The following DMD variants were observed in gnomAD, a reference collection of about 807,000 sequenced individuals.
The protein encoded by DMD is dystrophin.
Under a neutral mutation model 330.1 loss-of-function variants are expected in DMD, and 63 were observed. The observed-to-expected ratio is 0.19, with a 90% CI of 0.16 to 0.24. The LOEUF (loss-of-function observed/expected upper bound fraction) is 0.24. DMD is among the 10% of genes least tolerant of loss of function. The pLI, the probability that DMD is intolerant of heterozygous loss-of-function variation, is 1.00. For synonymous variants in DMD, 1,223 were observed against 959.8 expected, an observed-to-expected ratio of 1.27 and a Z score of -5.07; for missense variants, 3,344 against 2,684.1, an observed-to-expected ratio of 1.25 and a Z score of -5.43.
chrX:32,727,936 G>C (rs942521821), intron 7 of DMD, among the ~76,000 whole-genome samples: 1 of 111,074 alleles, frequency 9.0e-6, no homozygotes, highest in Admixed American at 9.6e-5. Context: ...AGTTTATAAA[G>C]GGCATTACTG....
chrX:31,123,081 T>G (rs2033024896), intron 78 of DMD, among the ~76,000 whole-genome samples: 1 of 111,735 alleles, frequency 8.9e-6, no homozygotes, highest in Admixed American at 9.6e-5. Context: ...ATTAAAGATA[T>G]CCCAATAAAA....
chrX:32,733,240 A>C (rs1244170732), intron 7 of DMD, among the ~76,000 whole-genome samples: 4 of 111,147 alleles, frequency 3.6e-5, no homozygotes, highest in Non-Finnish European at 7.5e-5. Flanking sequence ...GCACCCAACA[A>C]AGGAGCACCC....
At chrX:32,076,985 TG>T (rs1204715375) in intron 44 of DMD, among the ~76,000 whole-genome samples, 1 of 112,212 alleles carries the variant, frequency 8.9e-6, no homozygotes, top group Non-Finnish European at 1.9e-5. Context: ...TCTAAGCTTG[TG>T]GCAAAGAGTC....
chrX:32,855,650 T>C (rs1374219781), intron 2 of DMD, among the ~76,000 whole-genome samples: 2 of 112,068 alleles, frequency 1.8e-5, no homozygotes, highest in East Asian at 5.6e-4. Context: ...TCTCGCCATA[T>C]ACAAAAGTAT....
At chrX:31,668,430 TATTATA>T (rs912121958) in intron 53 of DMD, among the ~76,000 whole-genome samples, 2 of 110,758 alleles carry the variant, frequency 1.8e-5, no homozygotes, top group African/African-American at 3.3e-5. Context: ...AATATATTAT[TATTATA>T]AAGTTTATTT....
intron 44 of DMD, among the ~76,000 whole-genome samples, chrX:31,991,125 G>A (rs1020299821): frequency 2.7e-5 from 3 of 111,715 alleles, no homozygotes; most frequent in Non-Finnish European, 3.8e-5. Flanking sequence ...GATTTATGAC[G>A]CATAATATTG....
chrX:31,412,923 T>G (rs139029250), intron 60 of DMD, among the ~76,000 whole-genome samples: 2,341 of 111,808 alleles, frequency 0.021, 55 homozygotes, highest in African/African-American at 0.065. Context: ...CTTAATTAAG[T>G]GTGCTGTGTC....
intron 60 of DMD, among the ~76,000 whole-genome samples, chrX:31,363,385 T>TA (rs1449213109): frequency 3.5e-5 from 3 of 84,795 alleles, no homozygotes; most frequent in African/African-American, 1.4e-4. Context: ...TTTTTTTTTT[T>TA]TTTTTTTTTT....
chrX:32,416,512 TATGAGTG>T (rs1363080037), intron 29 of DMD, among the ~76,000 whole-genome samples: 2 of 112,049 alleles, frequency 1.8e-5, no homozygotes, highest in Non-Finnish European at 3.8e-5. Flanking sequence ...CCCTCATTTT[TATGAGTG>T]ATTTTAGTAG....
At chrX:33,293,454 C>T (rs894011674) in intron 1 of DMD, among the ~76,000 whole-genome samples, 1 of 111,398 alleles carries the variant, frequency 9.0e-6, no homozygotes, top group Admixed American at 9.6e-5. Flanking sequence ...GTCCAGATGG[C>T]TATTCAAGCT....
intron 4 of DMD, among the ~76,000 whole-genome samples, chrX:32,844,378 C>T (rs181604555): frequency 1.1e-3 from 118 of 102,825 alleles, no homozygotes; most frequent in Non-Finnish European, 1.9e-3. Context: ...TGCACTCCAG[C>T]CTGGGACAGA....
At chrX:31,147,663 A>T in intron 74 of DMD, 145 bp from the exon 75 acceptor site, 1 of 464,838 alleles carries the variant, frequency 2.2e-6, no homozygotes, top group Non-Finnish European at 3.6e-6. Flanking sequence ...CAAGCAAAAG[A>T]GGCACTAATG....
At chrX:32,658,973 T>G (rs892718094) in intron 9 of DMD, among the ~76,000 whole-genome samples, 2 of 111,945 alleles carry the variant, frequency 1.8e-5, no homozygotes, top group African/African-American at 6.5e-5. Context: ...AGGGTAATTG[T>G]AAGGCTCACA....
intron 43 of DMD, among the ~76,000 whole-genome samples, chrX:32,257,612 A>T (rs2097304558): frequency 8.9e-6 from 1 of 111,884 alleles, no homozygotes; most frequent in East Asian, 2.8e-4. Flanking sequence ...CTGGCTAGTC[A>T]TATGCAGAAA....
chrX:32,951,883 C>T (rs62593391), intron 2 of DMD, among the ~76,000 whole-genome samples: 2,057 of 111,526 alleles, frequency 0.018, 21 homozygotes, highest in Non-Finnish European at 0.027. Context: ...GAAACCTTAA[C>T]GCAAATAAAG....
intron 56 of DMD, among the ~76,000 whole-genome samples, chrX:31,505,305 C>A (rs1336870146): frequency 9.0e-6 from 1 of 111,588 alleles, no homozygotes. Context: ...TTGTTGCTCC[C>A]AGTGTACCAC....
intron 29 of DMD, among the ~76,000 whole-genome samples, chrX:32,418,178 C>A (rs754295369): frequency 9.0e-6 from 1 of 111,398 alleles, no homozygotes; most frequent in Non-Finnish European, 1.9e-5. Context: ...GCGCCATCTA[C>A]CTGGATGATG....
At chrX:32,055,505 TAGA>T (rs60171277) in intron 44 of DMD, among the ~76,000 whole-genome samples, 4,485 of 111,264 alleles carry the variant, frequency 0.04, 129 homozygotes, top group East Asian at 0.12. Context: ...TTCAAATGGC[TAGA>T]AGGAGAACGT....
intron 29 of DMD, among the ~76,000 whole-genome samples, chrX:32,421,198 G>T (rs2098188172): frequency 8.9e-6 from 1 of 112,289 alleles, no homozygotes; most frequent in African/African-American, 3.2e-5. Flanking sequence ...GTATGCTTAT[G>T]GCTTCCTGTC....
Sources: gnomAD v4.1 joint callset for allele counts (sites outside exome capture counted in the v4.1 genomes callset) on GRCh38, gnomAD v4.1.1 for gene constraint, MANE v1.5 for transcripts, NCBI Gene and HGNC (gene_info 2026-07-23, HGNC 2026-07-21) for gene names.